Variants in RNF227 observed in about 807,000 individuals in gnomAD.
RNF227 encodes long intergenic non-protein coding RNA 2581.
RNF227 carries 8 observed loss-of-function variants against 4.9 expected under a neutral mutation model. That is an observed-to-expected ratio of 1.65 (90% CI 0.97 to 2.98). The LOEUF (loss-of-function observed/expected upper bound fraction) is 2.98. Among genes scored for constraint, RNF227 ranks in the 30% most tolerant of loss-of-function variants. The pLI is 0.00. For synonymous variants in RNF227, 63 were observed against 28.1 expected, an observed-to-expected ratio of 2.25 and a Z score of -3.94; for missense variants, 136 against 65.4, an observed-to-expected ratio of 2.08 and a Z score of -3.72.
chr17:7,915,059 C>A lies in RNF227; in HGVS notation c.*463G>T, dbSNP rs1971948356. ...TGGGAGTGGGGAGACAGCAGGCATA[C>A]CAGCACCCTTACATGCCAGAGAAGT... On this transcript the variant is annotated 3_prime_UTR_variant, in exon 2 of 2. Transcript: ENST00000324348. The A allele has an allele frequency of 3.4e-6, 1 of 291,614 alleles. No individual in the cohort carries two copies. Among genetic ancestry groups the A allele is most frequent in the Admixed American group, 4.9e-5 (1 of 20,498 alleles). The allele number at this position is 291,614 out of a possible 1,614,324, so 18.1% of individuals were successfully genotyped here.
chr17:7,915,110 C>T lies in RNF227; in HGVS notation c.*412G>A, dbSNP rs962026374. The T allele has an allele frequency of 2.1e-5, 7 of 330,628 alleles. No homozygotes were observed. Among genetic ancestry groups the T allele is most frequent in the Admixed American group, 4.3e-5 (1 of 23,046 alleles). 20.5% of individuals were successfully genotyped at this position (330,628 alleles called of 1,614,324 possible). A position where few individuals can be genotyped will look rare whatever the true frequency, so the allele number is the denominator to read the frequency against. ...GAGATTAACATGACGCGAAAATTAG[C>T]CTCTTCTCTCCCGTTCCATCTTAAA... On this transcript the variant is annotated 3_prime_UTR_variant, in exon 2 of 2. Coordinates refer to ENST00000324348, the MANE Select transcript of RNF227 (RefSeq NM_001358699.2).
chr17:7,915,555 C>T lies in RNF227; in HGVS notation c.540G>A (p.Lys180=), dbSNP rs958113258. 4.3e-6 allele frequency: 3 copies of T among 703,134 alleles called. No individual in the cohort carries two copies. The highest frequency in any genetic ancestry group is 5.2e-6 in the Non-Finnish European group (2 of 385,030). The allele number at this position is 703,134 out of a possible 1,614,324, so 43.6% of individuals were successfully genotyped here. ...TGCAACGGGTCAGGTGGCCAATGTC[C>T]TTGATCTCCGCACAGTAGAGCACTG... ...PSNVLYCAEI[K]DIGHLTRCTL Residue 180 remains lysine (K), a synonymous_variant, in exon 2 of 2, where the codon AAG becomes AAA. Transcript: ENST00000324348.
Position 7,915,347 on chromosome 17 carries a change from G to C in RNF227, c.*175C>G, listed in dbSNP as rs1971952038. 1 of 697,102 alleles carries C rather than the reference G, an allele frequency of 1.4e-6. No homozygotes were observed. Among genetic ancestry groups the C allele is most frequent in the Non-Finnish European group, 2.6e-6 (1 of 381,702 alleles). 43.2% of individuals were successfully genotyped at this position (697,102 alleles called of 1,614,324 possible). A position where few individuals can be genotyped will look rare whatever the true frequency, so the allele number is the denominator to read the frequency against. On this transcript the variant is annotated 3_prime_UTR_variant, in exon 2 of 2. Coordinates refer to ENST00000324348, the MANE Select transcript of RNF227 (RefSeq NM_001358699.2). ...ACAGTCAGTAGATGGGGGCGAGTTC[G>C]TCTAGGAGCCTCCCCAACTCAGCAT...
In RNF227 at chr17:7,915,841, TC is replaced by T. The variant is rs1302228181; in HGVS notation, c.354del (p.Asn119ThrfsTer67). 2 of 702,708 alleles carry T rather than the reference TC, an allele frequency of 2.8e-6. No individual in the cohort carries two copies. Among genetic ancestry groups the T allele is most frequent in the Middle Eastern group, 2.3e-4 (1 of 4,370 alleles). The allele number at this position is 702,708 out of a possible 1,614,324, so 43.5% of individuals were successfully genotyped here. ...ARAKCERDEA[G>X]NPAKESSDAD... ...GCGTCGCTGCTTTCCTTGGCCGGGTTCCCAGCCTCATCTCGTTCGCACTTGG... is the reference window on the plus strand; with the variant it reads ...GCGTCGCTGCTTTCCTTGGCCGGGTTCCAGCCTCATCTCGTTCGCACTTGG... On this transcript the variant is annotated frameshift_variant, in exon 1 of 2. Coordinates refer to ENST00000324348, the MANE Select transcript of RNF227 (RefSeq NM_001358699.2). LOFTEE classifies it high-confidence loss of function.
In RNF227 at chr17:7,913,799, T is replaced by G. The variant is rs1014278367; in HGVS notation, c.*1723A>C. ...TTTCTTTAGCAATAGAATGTTACTT[T>G]AGAACTTTGGGGCCGGGCGTGGTGG... On this transcript the variant is annotated 3_prime_UTR_variant, in exon 2 of 2. Transcript: ENST00000324348. 6.6e-6 allele frequency: 1 copy of G among 152,200 alleles called. No individual in the cohort carries two copies. Among genetic ancestry groups the G allele is most frequent in the African/African-American group, 2.4e-5 (1 of 41,460 alleles). 9.4% of individuals were successfully genotyped at this position (152,200 alleles called of 1,614,324 possible). A position where few individuals can be genotyped will look rare whatever the true frequency, so the allele number is the denominator to read the frequency against.
rs1971969227 is a variant in RNF227 at position 7,916,141 on chromosome 17, T to C, written c.55A>G (p.Asn19Asp). 5.0e-6 allele frequency: 2 copies of C among 397,262 alleles called. No homozygotes were observed. The highest frequency in any genetic ancestry group is 8.9e-6 in the Non-Finnish European group (2 of 225,204). The allele number at this position is 397,262 out of a possible 1,614,324, so 24.6% of individuals were successfully genotyped here. ...AGGTTGAAAGGACGGTAGCAGATGT[T>C]GCAGTCCAGCTCGCCCCGCTCCGGA... ...SLPERGELDC[N>D]ICYRPFNLGC... Residue 19 changes from asparagine (N) to aspartate (D), a missense_variant, in exon 1 of 2, where the codon AAC (asparagine) becomes GAC (aspartate). Asn to Asp is a conservative substitution (Grantham distance 23). Coordinates refer to ENST00000324348, the MANE Select transcript of RNF227 (RefSeq NM_001358699.2).
rs1041667073 is a variant in RNF227 at position 7,915,197 on chromosome 17, A to C, written c.*325T>G. On this transcript the variant is annotated 3_prime_UTR_variant, in exon 2 of 2. Transcript: ENST00000324348. Reference sequence around the variant, plus strand: ...AAAATGGGACCTGTTGCTCCCACACACCAGAGCCACCCTGGACAAAAGCCA... The same window carrying C: ...AAAATGGGACCTGTTGCTCCCACACCCCAGAGCCACCCTGGACAAAAGCCA... The C allele has an allele frequency of 1.5e-5, 7 of 469,100 alleles. No homozygotes were observed. The highest frequency in any genetic ancestry group is 2.7e-5 in the Non-Finnish European group (7 of 254,616). 29.1% of individuals were successfully genotyped at this position (469,100 alleles called of 1,614,324 possible). A position where few individuals can be genotyped will look rare whatever the true frequency, so the allele number is the denominator to read the frequency against.
Position 7,915,176 on chromosome 17 carries a change from T to A in RNF227, c.*346A>T. On this transcript the variant is annotated 3_prime_UTR_variant, in exon 2 of 2. Transcript: ENST00000324348. ...AACCATTGACAAAGAATTGCTAAAA[T>A]GGGACCTGTTGCTCCCACACACCAG... 2 of 414,684 alleles carry A rather than the reference T, an allele frequency of 4.8e-6. No homozygotes were observed. Among genetic ancestry groups the A allele is most frequent in the Non-Finnish European group, 4.5e-6 (1 of 222,884 alleles). 25.7% of individuals were successfully genotyped at this position (414,684 alleles called of 1,614,324 possible).
rs1971961353 is a variant in RNF227, at chr17:7,915,833, G to A, written c.363C>T (p.Ala121=). 1.4e-6 allele frequency: 1 copy of A among 702,654 alleles called. No individual in the cohort carries two copies. Among genetic ancestry groups the A allele is most frequent in the African/African-American group, 1.7e-5 (1 of 57,240 alleles). 43.5% of individuals were successfully genotyped at this position (702,654 alleles called of 1,614,324 possible). The change falls in exon 1 of 2, where the codon GCC becomes GCT. Residue 121 remains alanine (A), a synonymous_variant. Coordinates refer to ENST00000324348, the MANE Select transcript of RNF227 (RefSeq NM_001358699.2). ...KCERDEAGNP[A]KESSDADGEA... ...CTCCGTCAGCGTCGCTGCTTTCCTT[G>A]GCCGGGTTCCCAGCCTCATCTCGTT...
chr17:7,915,454 T>C lies in RNF227; in HGVS notation c.*68A>G. On this transcript the variant is annotated 3_prime_UTR_variant, in exon 2 of 2. Coordinates refer to ENST00000324348, the MANE Select transcript of RNF227 (RefSeq NM_001358699.2). ...AATCCTGGGATCTGAGAGAGAGTAGTCTTGACATCAGCCCCCGCGAGGCTG... is the reference window on the plus strand; with the variant it reads ...AATCCTGGGATCTGAGAGAGAGTAGCCTTGACATCAGCCCCCGCGAGGCTG... 1.4e-6 allele frequency: 1 copy of C among 702,614 alleles called. No individual in the cohort carries two copies. Among genetic ancestry groups the C allele is most frequent in the Non-Finnish European group, 2.6e-6 (1 of 384,968 alleles). The allele number at this position is 702,614 out of a possible 1,614,324, so 43.5% of individuals were successfully genotyped here. A position where few individuals can be genotyped will look rare whatever the true frequency, so the allele number is the denominator to read the frequency against.
rs1377531939 is a variant in RNF227 at position 7,915,954 on chromosome 17, C to G, written c.242G>C (p.Arg81Pro). ...GCCGCGAGGGAGCTGCGAGGGCGCG[C>G]GGCAGAAGGGGCACGTGACCACGCG... ...LRRVVTCPFC[R>P]APSQLPRGGL... Residue 81 changes from arginine to proline, a missense_variant, in exon 1 of 2, where the codon CGC becomes CCC. Physicochemically the swap from Arg to Pro is moderately radical, Grantham distance 103 (BLOSUM62 -2). Transcript: ENST00000324348. 3.0e-6 allele frequency: 2 copies of G among 666,630 alleles called. No homozygotes were observed. The highest frequency in any genetic ancestry group is 5.5e-6 in the Non-Finnish European group (2 of 361,598). The allele number at this position is 666,630 out of a possible 1,614,324, so 41.3% of individuals were successfully genotyped here. A position where few individuals can be genotyped will look rare whatever the true frequency, so the allele number is the denominator to read the frequency against.
rs1430151271 is a variant in RNF227 at position 7,916,261 on chromosome 17, C to CTCCTGGGGCCGGGTCGGG, written c.-84_-67dup. The stretch of plus-strand genomic sequence containing the variant: ...GCTCCGTGAACAGAACGAGCACACT[C>CTCCTGGGGCCGGGTCGGG]TCCTGGGGCCGGGTCGGGTCCTGGG... On this transcript the variant is annotated 5_prime_UTR_variant, in exon 1 of 2. Transcript: ENST00000324348. 1.1e-5 allele frequency: 4 copies of CTCCTGGGGCCGGGTCGGG among 364,378 alleles called. No individual in the cohort carries two copies. The highest frequency in any genetic ancestry group is 4.6e-5 in the Admixed American group (1 of 21,532). The allele number at this position is 364,378 out of a possible 1,614,324, so 22.6% of individuals were successfully genotyped here.
rs931559475 is a variant in RNF227, at chr17:7,916,026, G to C, written c.170C>G (p.Ala57Gly). 1 of 349,394 alleles carries C rather than the reference G, an allele frequency of 2.9e-6. No individual in the cohort carries two copies. The highest frequency in any genetic ancestry group is 2.2e-5 in the African/African-American group (1 of 46,378). The allele number at this position is 349,394 out of a possible 1,614,324, so 21.6% of individuals were successfully genotyped here. Residue 57 changes from alanine to glycine, a missense_variant, in exon 1 of 2, where the codon GCG (alanine) becomes GGG (glycine). By Grantham distance (60) the Ala-to-Gly change is moderately conservative. Coordinates refer to ENST00000324348, the MANE Select transcript of RNF227 (RefSeq NM_001358699.2). ...GGCCGCCCCGCCGCCGTCCCCGCGC[G>C]CCGCCAGCTCGCGGAGGCAGGCGGT... is the stretch of plus-strand genomic sequence containing the variant. ...ICTACLRELA[A>G]RGDGGGAAAR...
In RNF227 at chr17:7,913,848, T is replaced by C. The variant is rs1005881409; in HGVS notation, c.*1674A>G. 1.3e-5 allele frequency: 2 copies of C among 152,110 alleles called. No individual in the cohort carries two copies. The highest frequency in any genetic ancestry group is 4.8e-5 in the African/African-American group (2 of 41,424). The allele number at this position is 152,110 out of a possible 1,614,324, so 9.4% of individuals were successfully genotyped here. Reference sequence around the variant, plus strand: ...GGCTCACGCCTGTAATCCTAGCACTTTGGGAGGCCGAGGCAGGCGGATCAT... The same window carrying C: ...GGCTCACGCCTGTAATCCTAGCACTCTGGGAGGCCGAGGCAGGCGGATCAT... On this transcript the variant is annotated 3_prime_UTR_variant, in exon 2 of 2. Transcript: ENST00000324348.
rs1567886673 is a variant in RNF227, at chr17:7,915,858, T to C, written c.338A>G (p.Glu113Gly). 1 of 702,656 alleles carries C rather than the reference T, an allele frequency of 1.4e-6. No individual in the cohort carries two copies. Among genetic ancestry groups the C allele is most frequent in the Admixed American group, 2.0e-5 (1 of 50,010 alleles). The allele number at this position is 702,656 out of a possible 1,614,324, so 43.5% of individuals were successfully genotyped here. Residue 113 changes from glutamate to glycine, a missense_variant, in exon 1 of 2, where the codon GAA becomes GGA. Glu to Gly is a moderately conservative substitution (Grantham distance 98). Transcript: ENST00000324348. The part of the protein sequence containing the change: ...RLEEKARAKC[E>G]RDEAGNPAKE... ...GGCCGGGTTCCCAGCCTCATCTCGT[T>C]CGCACTTGGCCCGCGCTTTTTCCTC...
intron 1 of RNF227, 37 bp from the exon 2 acceptor site, chr17:7,915,614 A>AT: frequency 1.4e-6 from 1 of 702,994 alleles, no homozygotes; most frequent in East Asian, 2.7e-5. Context: ...CAGCAGGAGC[A>AT]TGCCAACGAA....
Position 7,916,087 on chromosome 17 carries a change from C to A in RNF227, c.109G>T (p.Gly37Ter). The A allele has an allele frequency of 2.6e-6, 1 of 389,428 alleles. No individual in the cohort carries two copies. The highest frequency in any genetic ancestry group is 1.3e-4 in the South Asian group (1 of 7,774). 24.1% of individuals were successfully genotyped at this position (389,428 alleles called of 1,614,324 possible). A position where few individuals can be genotyped will look rare whatever the true frequency, so the allele number is the denominator to read the frequency against. Residue 37 changes from glycine (G) to a stop codon, truncating the protein, a stop_gained, in exon 1 of 2, where the codon GGA becomes TGA. Coordinates refer to ENST00000324348, the MANE Select transcript of RNF227 (RefSeq NM_001358699.2). LOFTEE classifies it high-confidence loss of function. ...LGCRAPRRLPGTARARCGHTI... is the reference protein window; with the variant it reads ...LGCRAPRRLP Reference sequence around the variant, plus strand: ...TGGCCGCAGCGGGCGCGCGCCGTTCCGGGCAGGCGGCGGGGCGCGCGGCAC... The same window carrying A: ...TGGCCGCAGCGGGCGCGCGCCGTTCAGGGCAGGCGGCGGGGCGCGCGGCAC...
At position 7,916,012 on chromosome 17, in the gene RNF227, C is replaced by T; in HGVS notation, c.184G>A (p.Gly62Ser). Residue 62 changes from glycine to serine, a missense_variant, in exon 1 of 2, where the codon GGC becomes AGC. Physicochemically the swap from Gly to Ser is moderately conservative, Grantham distance 56. Transcript: ENST00000324348. ...CGCACCACGCGCGCGGCCGCCCCGC[C>T]GCCGTCCCCGCGCGCCGCCAGCTCG... ...LRELAARGDG[G>S]GAAARVVRLR... The T allele has an allele frequency of 2.9e-6, 1 of 347,138 alleles. No homozygotes were observed. The allele number at this position is 347,138 out of a possible 1,614,324, so 21.5% of individuals were successfully genotyped here. A position where few individuals can be genotyped will look rare whatever the true frequency, so the allele number is the denominator to read the frequency against.
chr17:7,915,187 G>C lies in RNF227; in HGVS notation c.*335C>G. The C allele has an allele frequency of 2.3e-6, 1 of 436,286 alleles. No individual in the cohort carries two copies. 27.0% of individuals were successfully genotyped at this position (436,286 alleles called of 1,614,324 possible). A position where few individuals can be genotyped will look rare whatever the true frequency, so the allele number is the denominator to read the frequency against. The stretch of plus-strand genomic sequence containing the variant: ...AAGAATTGCTAAAATGGGACCTGTT[G>C]CTCCCACACACCAGAGCCACCCTGG... On this transcript the variant is annotated 3_prime_UTR_variant, in exon 2 of 2. Coordinates refer to ENST00000324348, the MANE Select transcript of RNF227 (RefSeq NM_001358699.2).
Sources: gnomAD v4.1 joint callset for allele counts on GRCh38, gnomAD v4.1.1 for gene constraint, MANE v1.5 for transcripts, NCBI Gene and HGNC (gene_info 2026-07-23, HGNC 2026-07-21) for gene names.